The following UBAC2 variants were observed in gnomAD, a reference collection of about 807,000 sequenced individuals.
UBAC2 encodes UBA domain containing 2, also known as ubiquitin-associated domain-containing protein 2.
UBAC2 carries 26 observed loss-of-function variants against 44.0 expected under a neutral mutation model. The observed-to-expected ratio is 0.59, with a 90% CI of 0.43 to 0.82. The LOEUF is 0.82. Ranked by LOEUF, UBAC2 falls within the 40% of genes least tolerant of loss-of-function variation. UBAC2 has a pLI of 0.00. For synonymous variants in UBAC2, 155 were observed against 154.3 expected (o/e 1.00, Z -0.04); for missense variants, 329 against 419.4 (o/e 0.78, Z 1.88).
chr13:99,331,119 G>A (rs970988340), intron 6 of UBAC2, among the ~76,000 whole-genome samples: 6 of 152,204 alleles, frequency 3.9e-5, no homozygotes, highest in Non-Finnish European at 8.8e-5. Flanking sequence ...CTTATCCTTC[G>A]CCTCTCAGTC....
chr13:99,255,921 A>G (rs762416389), intron 4 of UBAC2: 2 of 1,458,116 alleles, frequency 1.4e-6, no homozygotes, highest in Admixed American at 2.4e-5. Context: ...AAAAATAGTT[A>G]AGAAAAATAA....
At chr13:99,253,851 A>G (rs1347496954) in intron 4 of UBAC2, among the ~76,000 whole-genome samples, 2 of 152,240 alleles carry the variant, frequency 1.3e-5, no homozygotes, top group Admixed American at 6.5e-5. Flanking sequence ...ATTTGGTTCT[A>G]AGCCCCAGTA....
Position 99,342,121 on chromosome 13 carries a change from G to A in UBAC2, c.807+1556G>A, listed in dbSNP as rs530474036. 8.5e-5 allele frequency among the ~76,000 whole-genome samples: 13 copies of A among 152,298 alleles called. No homozygotes were observed. In the South Asian group the frequency reaches 2.5e-3, roughly 29 times the overall value. On this transcript the variant is annotated intron_variant, in intron 7 of 8. Transcript: ENST00000403766. ...TTATGAGAGAACACCGTCAGCATCA[G>A]TATCTATGGGGGCGGGCTGGCGAAG...
At chr13:99,343,473 T>G (rs919836717) in intron 7 of UBAC2, among the ~76,000 whole-genome samples, 4 of 152,184 alleles carry the variant, frequency 2.6e-5, no homozygotes, top group Admixed American at 6.5e-5. Flanking sequence ...GAGCGTGCAT[T>G]CCCACCAGGC....
chr13:99,227,438 G>A (rs1483625752), intron 1 of UBAC2, among the ~76,000 whole-genome samples: 1 of 152,124 alleles, frequency 6.6e-6, no homozygotes, highest in Non-Finnish European at 1.5e-5. Flanking sequence ...TGATTCCCTG[G>A]CTCTTAAAGG....
intron 7 of UBAC2, among the ~76,000 whole-genome samples, chr13:99,341,142 G>A (rs753425884): frequency 1.3e-5 from 2 of 152,208 alleles, no homozygotes; most frequent in African/African-American, 2.4e-5. Context: ...TGGGCAGTGA[G>A]AGAAGGAGGG....
intron 4 of UBAC2, among the ~76,000 whole-genome samples, chr13:99,291,151 G>C (rs889307214): frequency 6.6e-6 from 1 of 152,200 alleles, no homozygotes; most frequent in Non-Finnish European, 1.5e-5. Flanking sequence ...GCAAGATGGG[G>C]ATGATAGTCA....
At chr13:99,330,365 A>G (rs546308120) in intron 6 of UBAC2, among the ~76,000 whole-genome samples, 1 of 147,590 alleles carries the variant, frequency 6.8e-6, no homozygotes, top group African/African-American at 2.5e-5. Context: ...AGGCTGAGGC[A>G]GGAGAATCGC....
At chr13:99,323,408 C>T (rs535721663) in intron 6 of UBAC2, among the ~76,000 whole-genome samples, 42 of 152,288 alleles carry the variant, frequency 2.8e-4, no homozygotes, top group African/African-American at 1.0e-3. Flanking sequence ...CAACACCAGC[C>T]TGGCCAACAT....
chr13:99,236,522 C>G (rs1044996551), intron 1 of UBAC2, among the ~76,000 whole-genome samples: 1 of 152,106 alleles, frequency 6.6e-6, no homozygotes, highest in Non-Finnish European at 1.5e-5. Context: ...ATACTTCACC[C>G]GAGTTAGAAT....
intron 4 of UBAC2, among the ~76,000 whole-genome samples, chr13:99,280,148 G>A (rs2043933405): frequency 6.6e-6 from 1 of 152,108 alleles, no homozygotes; most frequent in South Asian, 2.1e-4. Context: ...ATCTACAAAG[G>A]AGATCTGGTC....
chr13:99,314,116 C>G lies in UBAC2; in HGVS notation c.409C>G (p.Leu137Val). 1 of 1,610,922 alleles carries G rather than the reference C, an allele frequency of 6.2e-7. No homozygotes were observed. Among genetic ancestry groups the G allele is most frequent in the Admixed American group, 1.7e-5 (1 of 59,448 alleles). ...GCATAGCCTGGCACCTGTGTTTGCTCTGTTTGTACCATTTTACTGCTCCAT... is the reference window on the plus strand; with the variant it reads ...GCATAGCCTGGCACCTGTGTTTGCTGTGTTTGTACCATTTTACTGCTCCAT... The part of the protein sequence containing the change: ...PSGFLAPVFA[L>V]FVPFYCSIPR... The change falls in exon 5 of 9, where the codon CTG becomes GTG. Residue 137 changes from leucine (L) to valine (V), a missense_variant. Leu to Val is a conservative substitution (Grantham distance 32). Coordinates refer to ENST00000403766, the MANE Select transcript of UBAC2 (RefSeq NM_001144072.2).
intron 6 of UBAC2, among the ~76,000 whole-genome samples, chr13:99,329,919 TG>T (rs1413946422): frequency 2.0e-5 from 3 of 152,222 alleles, no homozygotes; most frequent in Non-Finnish European, 4.4e-5. Context: ...GGTAATTTGT[TG>T]CTCAGTAATC....
intron 4 of UBAC2, among the ~76,000 whole-genome samples, chr13:99,260,971 T>A (rs1481341911): frequency 6.6e-6 from 1 of 152,236 alleles, no homozygotes; most frequent in Non-Finnish European, 1.5e-5. Context: ...TTTGAGTGAA[T>A]ATAATTCAGT....
intron 1 of UBAC2, among the ~76,000 whole-genome samples, chr13:99,237,017 A>G (rs1028865325): frequency 2.6e-5 from 4 of 152,104 alleles, no homozygotes; most frequent in Admixed American, 1.3e-4. Context: ...ACTACTGGAT[A>G]TATATTCAAA....
intron 6 of UBAC2, among the ~76,000 whole-genome samples, chr13:99,320,404 G>A (rs1406906813): frequency 6.6e-6 from 1 of 152,120 alleles, no homozygotes; most frequent in Non-Finnish European, 1.5e-5. Context: ...GAATTACAGT[G>A]TGTTTGGAAT....
chr13:99,341,203 T>C (rs1433175739), intron 7 of UBAC2, among the ~76,000 whole-genome samples: 1 of 152,250 alleles, frequency 6.6e-6, no homozygotes, highest in East Asian at 1.9e-4. Context: ...TGGACACTTC[T>C]GTGAGCCAGC....
rs192120118 is a variant in UBAC2 at position 99,380,678 on chromosome 13, A to G, written c.928-4550A>G. On this transcript the variant is annotated intron_variant, in intron 8 of 8. Transcript: ENST00000403766. The stretch of plus-strand genomic sequence containing the variant: ...TGGTTGTCATCGCATACCCAAGCCC[A>G]AGCATGCAGTTTCAGTTTGCCATGG... Among the ~76,000 whole-genome samples, 510 of 152,314 alleles carry G rather than the reference A, an allele frequency of 3.3e-3. 3 individuals carry two copies. The highest frequency in any genetic ancestry group is 0.012 in the African/African-American group (488 of 41,558).
chr13:99,256,390 G>A (rs1404115741), intron 4 of UBAC2: 1 of 152,236 alleles, frequency 6.6e-6, no homozygotes, highest in Non-Finnish European at 1.5e-5. Context: ...ATGGTCAGCA[G>A]ATCAAGAACT....
Sources: gnomAD v4.1 joint callset for allele counts (sites outside exome capture counted in the v4.1 genomes callset) on GRCh38, gnomAD v4.1.1 for gene constraint, MANE v1.5 for transcripts, NCBI Gene and HGNC (gene_info 2026-07-23, HGNC 2026-07-21) for gene names.